BPNT1: variants seen among roughly 807,000 people sequenced by gnomAD.
The protein encoded by BPNT1 is 3'(2'), 5'-bisphosphate nucleotidase 1.
BPNT1 carries 28 observed loss-of-function variants against 36.9 expected under a neutral mutation model. That is an observed-to-expected ratio of 0.76 (90% CI 0.56 to 1.04). The LOEUF (loss-of-function observed/expected upper bound fraction) is 1.04. BPNT1 is among the 50% of genes least tolerant of loss of function. The pLI, the probability that BPNT1 is intolerant of heterozygous loss-of-function variation, is 0.00. For synonymous variants in BPNT1, 119 were observed against 130.9 expected (o/e 0.91, Z 0.62); for missense variants, 313 against 372.9 (o/e 0.84, Z 1.32).
chr1:220,060,842 A>G (rs1033329703), intron 7 of BPNT1, among the ~76,000 whole-genome samples: 21 of 152,016 alleles, frequency 1.4e-4, no homozygotes, highest in Admixed American at 9.8e-4. Context: ...TAAGAAATAC[A>G]TTGATTTGGT....
intron 2 of BPNT1, among the ~76,000 whole-genome samples, chr1:220,079,261 T>C (rs78319314): frequency 1.3e-5 from 2 of 151,826 alleles, no homozygotes; most frequent in African/African-American, 4.8e-5. Flanking sequence ...TTTTTTTTTT[T>C]TCTTTTTTTG....
chr1:220,080,288 G>A (rs892798727), intron 1 of BPNT1, among the ~76,000 whole-genome samples: 1 of 152,170 alleles, frequency 6.6e-6, no homozygotes, highest in Non-Finnish European at 1.5e-5. Context: ...AAACTAGGCA[G>A]CGCCAAAAGA....
At chr1:220,084,031 G>A (rs1655471106) in intron 1 of BPNT1, among the ~76,000 whole-genome samples, 1 of 152,080 alleles carries the variant, frequency 6.6e-6, no homozygotes, top group South Asian at 2.1e-4. Flanking sequence ...GAGCACTTCA[G>A]ATAGAAAACA....
chr1:220,062,455 C>G (rs1251856379), intron 7 of BPNT1, among the ~76,000 whole-genome samples: 1 of 152,182 alleles, frequency 6.6e-6, no homozygotes, highest in African/African-American at 2.4e-5. Flanking sequence ...CATCCACGTC[C>G]TTACAAAGGA....
intron 3 of BPNT1, among the ~76,000 whole-genome samples, chr1:220,073,385 G>A (rs538119552): frequency 2.0e-5 from 3 of 152,016 alleles, no homozygotes; most frequent in East Asian, 3.9e-4. Flanking sequence ...CCATCCTGGG[G>A]TCAAGCAGTT....
intron 6 of BPNT1, among the ~76,000 whole-genome samples, chr1:220,064,921 C>T (rs1303154660): frequency 1.3e-5 from 2 of 152,128 alleles, no homozygotes; most frequent in Non-Finnish European, 2.9e-5. Context: ...AATTCTCTTG[C>T]CTCAGCCTCC....
At chr1:220,083,377 CG>C (rs1234310771) in intron 1 of BPNT1, among the ~76,000 whole-genome samples, 2 of 151,040 alleles carry the variant, frequency 1.3e-5, no homozygotes, top group Non-Finnish European at 1.5e-5. Context: ...CAGGCTGGCG[CG>C]ATCTCGGCTC....
Position 220,084,248 on chromosome 1 carries a change from C to T in BPNT1, c.-8-4394G>A, listed in dbSNP as rs542674185. ...TCGGGAGGCTGAGGCAGGAGAATGGCATGAACCCGGGAGGTGGAGGTTGCA... is the reference window on the plus strand; with the variant it reads ...TCGGGAGGCTGAGGCAGGAGAATGGTATGAACCCGGGAGGTGGAGGTTGCA... On this transcript the variant is annotated intron_variant, in intron 1 of 8. Transcript: ENST00000322067. Among the ~76,000 whole-genome samples, 458 of 151,766 alleles carry T rather than the reference C, an allele frequency of 3.0e-3. 3 individuals carry two copies. Among genetic ancestry groups the T allele is most frequent in the Non-Finnish European group, 5.1e-3 (346 of 67,952 alleles).
chr1:220,077,685 A>G (rs956486815), intron 2 of BPNT1, among the ~76,000 whole-genome samples: 6 of 152,044 alleles, frequency 3.9e-5, no homozygotes, highest in African/African-American at 1.4e-4. Flanking sequence ...ACTTTTTTCT[A>G]AGTTGTTTTT....
chr1:220,078,816 T>C (rs1324161380), intron 2 of BPNT1, among the ~76,000 whole-genome samples: 1 of 151,944 alleles, frequency 6.6e-6, no homozygotes, highest in African/African-American at 2.4e-5. Flanking sequence ...CAGACTGGTC[T>C]TGAACTCCTG....
intron 1 of BPNT1, among the ~76,000 whole-genome samples, chr1:220,084,114 C>A (rs985546454): frequency 1.3e-5 from 2 of 151,906 alleles, no homozygotes; most frequent in African/African-American, 4.8e-5. Flanking sequence ...GGGTGGATCA[C>A]GAGGTCAGGA....
chr1:220,081,706 CT>C (rs1249409051), intron 1 of BPNT1, among the ~76,000 whole-genome samples: 1 of 151,990 alleles, frequency 6.6e-6, no homozygotes, highest in African/African-American at 2.4e-5. Context: ...AGTATATCTG[CT>C]GAGAAGGATC....
Position 220,069,383 on chromosome 1 carries a change from C to A in BPNT1, c.382+1G>T, listed in dbSNP as rs2102675475. On this transcript the variant is annotated splice_donor_variant, in intron 5 of 8. Coordinates refer to ENST00000322067, the MANE Select transcript of BPNT1 (RefSeq NM_006085.6). LOFTEE classifies it high-confidence loss of function. Reference sequence around the variant, plus strand: ...AATATGAATACAAAAGAGATATCAACCTTCGGTATATTCCTTGGTTCCATC... The same window carrying A: ...AATATGAATACAAAAGAGATATCAAACTTCGGTATATTCCTTGGTTCCATC... 2 of 1,597,720 alleles carry A rather than the reference C, an allele frequency of 1.3e-6. No homozygotes were observed. Among genetic ancestry groups the A allele is most frequent in the Middle Eastern group, 3.3e-4 (2 of 6,008 alleles).
At chr1:220,082,241 C>T (rs990702700) in intron 1 of BPNT1, among the ~76,000 whole-genome samples, 11 of 150,228 alleles carry the variant, frequency 7.3e-5, no homozygotes, top group Admixed American at 2.7e-4. Context: ...AGTGCAGTGG[C>T]GCAATCTCAG....
chr1:220,059,531 C>G (rs1242501325), intron 8 of BPNT1, among the ~76,000 whole-genome samples, 155 bp downstream of exon 8: 1 of 152,106 alleles, frequency 6.6e-6, no homozygotes. Context: ...TCTCATCCAT[C>G]TATCATATGA....
intron 1 of BPNT1, among the ~76,000 whole-genome samples, chr1:220,082,259 C>A (rs946138007): frequency 2.0e-5 from 3 of 150,872 alleles, no homozygotes; most frequent in Non-Finnish European, 4.4e-5. Flanking sequence ...CAGCTCACTG[C>A]AAACTCTGCC....
intron 1 of BPNT1, among the ~76,000 whole-genome samples, chr1:220,082,077 TATATATATAG>T (rs1655187070): frequency 9.1e-6 from 1 of 110,258 alleles, no homozygotes; most frequent in African/African-American, 3.2e-5. Context: ...TATATATATA[TATATATATAG>T]AGAGAGAGAG....
chr1:220,080,833 A>G (rs1665037606), intron 1 of BPNT1, among the ~76,000 whole-genome samples: 1 of 152,248 alleles, frequency 6.6e-6, no homozygotes, highest in South Asian at 2.1e-4. Flanking sequence ...CATCTTCGTC[A>G]GTAGCCAGAT....
intron 2 of BPNT1, among the ~76,000 whole-genome samples, chr1:220,075,618 G>GA (rs988851173): frequency 7.9e-5 from 12 of 151,716 alleles, no homozygotes; most frequent in Non-Finnish European, 1.5e-4. Flanking sequence ...CTGCGGTAGA[G>GA]AAAAAAAAGA....
Sources: allele counts gnomAD v4.1 joint callset (sites outside exome capture counted in the v4.1 genomes callset), GRCh38; gene constraint gnomAD v4.1.1; transcripts MANE v1.5; gene names NCBI Gene and HGNC (gene_info 2026-07-23, HGNC 2026-07-21).